NCAM1: variants seen among roughly 807,000 people sequenced by gnomAD.
The protein encoded by NCAM1 is antigen recognized by monoclonal antibody 5.1H11.
Under a neutral mutation model 109.8 loss-of-function variants are expected in NCAM1, and 14 were observed. The ratio of observed to expected loss-of-function variants is 0.13; its 90% confidence interval spans 0.08 to 0.20. The LOEUF is 0.20. NCAM1 is among the 10% of genes least tolerant of loss of function. The pLI is 1.00. For missense variants in NCAM1, 774 were observed against 1,109.9 expected, an observed-to-expected ratio of 0.70 and a Z score of 4.30; for synonymous variants, 418 against 442.9, an observed-to-expected ratio of 0.94 and a Z score of 0.70.
chr11:113,173,469 A>C (rs1943050391), intron 1 of NCAM1, among the ~76,000 whole-genome samples: 1 of 151,700 alleles, frequency 6.6e-6, no homozygotes, highest in Admixed American at 6.6e-5. Context: ...TGGACAGGGA[A>C]GCAGCTATGT....
At chr11:113,224,595 C>G (rs1182034083) in intron 9 of NCAM1, among the ~76,000 whole-genome samples, 1 of 152,216 alleles carries the variant, frequency 6.6e-6, no homozygotes, top group Non-Finnish European at 1.5e-5. Context: ...GTGGTTCTCC[C>G]AGCATGCAGC....
At chr11:113,232,931 A>AGC (rs1945053242) in intron 12 of NCAM1, 117 bp downstream of exon 12, 4 of 1,061,758 alleles carry the variant, frequency 3.8e-6, no homozygotes, top group Non-Finnish European at 4.2e-6. Context: ...GGCCAGGGTC[A>AGC]GCAAAGCCAG....
intron 7 of NCAM1, among the ~76,000 whole-genome samples, chr11:113,211,589 T>A (rs782024287): frequency 6.6e-6 from 1 of 152,218 alleles, no homozygotes; most frequent in Non-Finnish European, 1.5e-5. Context: ...TTGATTCTTG[T>A]GATGCTCATG....
intron 18 of NCAM1, among the ~76,000 whole-genome samples, chr11:113,271,254 C>A (rs957712843): frequency 6.6e-6 from 1 of 151,504 alleles, no homozygotes; most frequent in African/African-American, 2.4e-5. Flanking sequence ...CCTGTAATCC[C>A]AGCTATTCAG....
chr11:113,009,582 C>T (rs1424938211), intron 1 of NCAM1, among the ~76,000 whole-genome samples: 1 of 152,016 alleles, frequency 6.6e-6, no homozygotes, highest in Non-Finnish European at 1.5e-5. Context: ...AGAGTGAGCA[C>T]ATCTAGCCAT....
chr11:113,275,172 C>T (rs1946375932), intron 19 of NCAM1, 95 bp from the exon 20 acceptor site: 2 of 1,497,698 alleles, frequency 1.3e-6, no homozygotes, highest in South Asian at 1.3e-5. Flanking sequence ...ACTGGAGAAC[C>T]CCTCCTCCTC....
chr11:113,139,692 C>CA (rs1941741986), intron 1 of NCAM1, among the ~76,000 whole-genome samples: 1 of 151,228 alleles, frequency 6.6e-6, no homozygotes, highest in South Asian at 2.1e-4. Flanking sequence ...AAAATAAAAC[C>CA]AAGTATTATT....
At chr11:112,981,952 A>C (rs1434131196) in intron 1 of NCAM1, among the ~76,000 whole-genome samples, 2 of 152,038 alleles carry the variant, frequency 1.3e-5, no homozygotes, top group East Asian at 3.9e-4. Flanking sequence ...TTATTCAAGT[A>C]AACAATCAAG....
intron 1 of NCAM1, among the ~76,000 whole-genome samples, chr11:113,195,972 A>T (rs1943843815): frequency 6.6e-6 from 1 of 151,894 alleles, no homozygotes; most frequent in Non-Finnish European, 1.5e-5. Flanking sequence ...ACTGTCATTT[A>T]AAAACACACA....
intron 14 of NCAM1, chr11:113,240,862 C>T: frequency 6.2e-7 from 1 of 1,601,198 alleles, no homozygotes; most frequent in East Asian, 2.2e-5. Context: ...ATCCATCTCT[C>T]TGCAGGTCAC....
In NCAM1 at chr11:113,271,863, C is replaced by T. The variant is rs1555125471; in HGVS notation, c.2443C>T (p.Leu815=). ...KHTEPNETTP[L]TEPEKGPVEA... is the part of the protein sequence containing the mutation. ...CACAGAGCCCAACGAGACCACGCCACTGACGGAGCCCGAGTACGTGGGCTG... is the reference window on the plus strand; with the variant it reads ...CACAGAGCCCAACGAGACCACGCCATTGACGGAGCCCGAGTACGTGGGCTG... The change falls in exon 19 of 20, where the codon CTG becomes TTG. Residue 815 remains leucine (L), a synonymous_variant. Coordinates refer to ENST00000316851, the MANE Select transcript of NCAM1 (RefSeq NM_181351.5). The T allele has an allele frequency of 1.3e-6, 2 of 1,567,040 alleles. No homozygotes were observed. The highest frequency in any genetic ancestry group is 8.6e-7 in the Non-Finnish European group (1 of 1,156,410).
intron 7 of NCAM1, among the ~76,000 whole-genome samples, chr11:113,210,618 T>C (rs1944358276): frequency 6.6e-6 from 1 of 152,068 alleles, no homozygotes; most frequent in South Asian, 2.1e-4. Flanking sequence ...CTGGTGGTGA[T>C]GGCTGCCCCG....
chr11:113,001,640 G>A (rs2134990232), intron 1 of NCAM1, among the ~76,000 whole-genome samples: 1 of 152,304 alleles, frequency 6.6e-6, no homozygotes, highest in African/African-American at 2.4e-5. Flanking sequence ...TAGTGTGAAA[G>A]CTGCACTGAT....
intron 1 of NCAM1, among the ~76,000 whole-genome samples, chr11:112,996,686 C>T (rs962777183): frequency 6.6e-6 from 1 of 152,124 alleles, no homozygotes; most frequent in Non-Finnish European, 1.5e-5. Flanking sequence ...TTCTGCATTT[C>T]ATCATTAAGG....
chr11:113,259,956 G>A lies in NCAM1; in HGVS notation c.1954-190G>A, dbSNP rs190573482. On this transcript the variant is annotated intron_variant, in intron 16 of 19. Coordinates refer to ENST00000316851, the MANE Select transcript of NCAM1 (RefSeq NM_181351.5). ...TGACCTCAAGTGATCCACCCGCCTC[G>A]GCCTCCCAAGGTGGCTAGGATTATA... 7.6e-3 allele frequency: 3,714 copies of A among 489,408 alleles called. 26 individuals carry two copies. The highest frequency in any genetic ancestry group is 0.01 in the Non-Finnish European group (2,833 of 280,174). The allele number at this position is 489,408 out of a possible 1,614,324, so 30.3% of individuals were successfully genotyped here.
intron 15 of NCAM1, among the ~76,000 whole-genome samples, chr11:113,249,581 G>A (rs186253500): frequency 4.9e-4 from 75 of 152,258 alleles, no homozygotes; most frequent in Middle Eastern, 3.4e-3. Flanking sequence ...AGATGGGCAC[G>A]AGCCCCCTTG....
chr11:113,026,021 G>C (rs1445742933), intron 1 of NCAM1, among the ~76,000 whole-genome samples: 1 of 152,174 alleles, frequency 6.6e-6, no homozygotes, highest in Non-Finnish European at 1.5e-5. Flanking sequence ...TATTTATGGA[G>C]AGCCTCCTGT....
chr11:113,263,468 C>T (rs1946063209), intron 17 of NCAM1: 80 of 985,888 alleles, frequency 8.1e-5, no homozygotes, highest in Non-Finnish European at 9.4e-5. Flanking sequence ...GTTTTGCTGA[C>T]ATGATGGGCA....
chr11:113,185,033 A>AT (rs1943457179), intron 1 of NCAM1, among the ~76,000 whole-genome samples: 1 of 145,970 alleles, frequency 6.9e-6, no homozygotes, highest in Non-Finnish European at 1.5e-5. Flanking sequence ...GTGTATATAT[A>AT]CATTATATAT....
Sources: gnomAD v4.1 joint callset for allele counts (sites outside exome capture counted in the v4.1 genomes callset) on GRCh38, gnomAD v4.1.1 for gene constraint, MANE v1.5 for transcripts, NCBI Gene and HGNC (gene_info 2026-07-23, HGNC 2026-07-21) for gene names.